Variants in LYPLAL1 observed in about 807,000 individuals in gnomAD.
LYPLAL1 encodes lysophospholipase like 1, also known as lysophospholipase-like protein 1.
In LYPLAL1, 23 loss-of-function variants were observed where a neutral mutation model predicts 19.7. That is an observed-to-expected ratio of 1.17 (90% CI 0.84 to 1.65). LYPLAL1 has a LOEUF of 1.65. LYPLAL1 is among the 40% of genes most tolerant of loss of function. LYPLAL1 has a pLI of 0.00. For missense variants in LYPLAL1, 355 were observed against 279.4 expected (o/e 1.27, Z -1.93); for synonymous variants, 119 against 96.3 (o/e 1.24, Z -1.38).
chr1:219,241,134 C>CTATA, the LYPLAL1 span, among the ~76,000 whole-genome samples: 1,864 of 44,236 alleles, frequency 0.042, 121 homozygotes, highest in Middle Eastern at 0.081. Flanking sequence ...CTCTCTCTCT[C>CTATA]TATATATATA....
chr1:219,382,225 A>G, the LYPLAL1 span, among the ~76,000 whole-genome samples: 2 of 152,230 alleles, frequency 1.3e-5, no homozygotes, highest in Non-Finnish European at 2.9e-5. Flanking sequence ...CAAAATGAAT[A>G]CAAAGTTCTA....
At chr1:219,211,088 A>G (rs1203374139) in intron 4 of LYPLAL1, among the ~76,000 whole-genome samples, 2 of 152,138 alleles carry the variant, frequency 1.3e-5, no homozygotes, top group African/African-American at 4.8e-5. Context: ...CTTCAGTACC[A>G]GAAGTGGAAA....
At chr1:219,246,271 T>G in the LYPLAL1 span, among the ~76,000 whole-genome samples, 1 of 152,050 alleles carries the variant, frequency 6.6e-6, no homozygotes, top group East Asian at 1.9e-4. Flanking sequence ...AGAAATCTTA[T>G]TCTCTAGTGA....
chr1:219,406,147 C>T, the LYPLAL1 span, among the ~76,000 whole-genome samples: 2 of 152,134 alleles, frequency 1.3e-5, no homozygotes, highest in South Asian at 4.1e-4. Flanking sequence ...AGAAGTCCGC[C>T]TTTTAAAAAA....
At chr1:219,272,714 T>A in the LYPLAL1 span, 1 of 151,728 alleles carries the variant, frequency 6.6e-6, no homozygotes, top group Non-Finnish European at 1.5e-5. Context: ...AGGCAGAGGT[T>A]GCGGTGAGGC....
chr1:219,270,142 A>G, the LYPLAL1 span, among the ~76,000 whole-genome samples: 1 of 152,220 alleles, frequency 6.6e-6, no homozygotes, highest in Non-Finnish European at 1.5e-5. Context: ...CAAAGTATCC[A>G]CTTCACTCAG....
At chr1:219,388,416 GGTT>G in the LYPLAL1 span, among the ~76,000 whole-genome samples, 1 of 152,098 alleles carries the variant, frequency 6.6e-6, no homozygotes. Context: ...ATAAGTTACA[GGTT>G]GTTATTATAG....
chr1:219,218,742 T>A, the LYPLAL1 span, among the ~76,000 whole-genome samples: 1 of 152,180 alleles, frequency 6.6e-6, no homozygotes, highest in African/African-American at 2.4e-5. Flanking sequence ...ATGTGTTATC[T>A]TTTTCATATT....
the LYPLAL1 span, among the ~76,000 whole-genome samples, chr1:219,320,840 T>C: frequency 6.6e-6 from 1 of 152,222 alleles, no homozygotes; most frequent in Non-Finnish European, 1.5e-5. Flanking sequence ...CAGTCTATCA[T>C]TGATGGGCAC....
chr1:219,189,975 A>G (rs1657014505), intron 2 of LYPLAL1, among the ~76,000 whole-genome samples: 2 of 151,626 alleles, frequency 1.3e-5, no homozygotes, highest in African/African-American at 4.8e-5. Context: ...CACAACTTCA[A>G]AATATGCTCT....
the LYPLAL1 span, among the ~76,000 whole-genome samples, chr1:219,339,584 T>G: frequency 6.6e-6 from 1 of 152,058 alleles, no homozygotes; most frequent in East Asian, 1.9e-4. Flanking sequence ...TTGCCAAGTT[T>G]AAAAATAGAT....
At chr1:219,309,086 G>T in the LYPLAL1 span, among the ~76,000 whole-genome samples, 2 of 152,208 alleles carry the variant, frequency 1.3e-5, no homozygotes, top group Non-Finnish European at 2.9e-5. Flanking sequence ...CTGGATGTGA[G>T]ACCTGGAGTC....
chr1:219,280,665 C>T, the LYPLAL1 span, among the ~76,000 whole-genome samples: 1 of 152,180 alleles, frequency 6.6e-6, no homozygotes, highest in Admixed American at 6.5e-5. Flanking sequence ...ACAATCTACT[C>T]TCATATGCAT....
At chr1:219,361,314 G>C in the LYPLAL1 span, among the ~76,000 whole-genome samples, 4 of 152,308 alleles carry the variant, frequency 2.6e-5, no homozygotes, top group South Asian at 8.3e-4. Context: ...TTTCAGACCT[G>C]TTCTAGGTCC....
chr1:219,431,426 C>A, the LYPLAL1 span, among the ~76,000 whole-genome samples: 2 of 152,214 alleles, frequency 1.3e-5, no homozygotes, highest in Non-Finnish European at 2.9e-5. Flanking sequence ...TGAGGTGGAG[C>A]ATGCCCTGCT....
chr1:219,359,085 G>T, the LYPLAL1 span, among the ~76,000 whole-genome samples: 1 of 152,024 alleles, frequency 6.6e-6, no homozygotes, highest in African/African-American at 2.4e-5. Context: ...TTTTTTTCCA[G>T]CTGTAGAAAC....
At chr1:219,232,845 T>A in the LYPLAL1 span, among the ~76,000 whole-genome samples, 86 of 150,078 alleles carry the variant, frequency 5.7e-4, no homozygotes, top group South Asian at 3.4e-3. Flanking sequence ...ACTGCCCGTC[T>A]GATAGGATGG....
At chr1:219,258,635 T>C in the LYPLAL1 span, among the ~76,000 whole-genome samples, 1 of 152,118 alleles carries the variant, frequency 6.6e-6, no homozygotes, top group African/African-American at 2.4e-5. Flanking sequence ...ATGTCATTAC[T>C]AATATATTTG....
chr1:219,312,646 C>A, the LYPLAL1 span, among the ~76,000 whole-genome samples: 17 of 152,314 alleles, frequency 1.1e-4, no homozygotes, highest in African/African-American at 3.8e-4. Context: ...GGGCTCTCTA[C>A]CTCTTTCTTC....
Sources: gnomAD v4.1 joint callset for allele counts (sites outside exome capture counted in the v4.1 genomes callset) on GRCh38, gnomAD v4.1.1 for gene constraint, MANE v1.5 for transcripts, NCBI Gene and HGNC (gene_info 2026-07-23, HGNC 2026-07-21) for gene names.